The following PKLR variants were observed in gnomAD, a reference collection of about 807,000 sequenced individuals.
PKLR encodes pyruvate kinase PKLR.
A neutral mutation model predicts 53.6 loss-of-function variants in PKLR; 38 were observed. The observed-to-expected ratio is 0.71, with a 90% CI of 0.55 to 0.93. The LOEUF (loss-of-function observed/expected upper bound fraction) is 0.93, where lower values mean the gene tolerates loss of function less well. Ranked by LOEUF, PKLR falls within the 40% of genes least tolerant of loss-of-function variation. The pLI is 0.00. For missense variants in PKLR, 702 were observed against 787.3 expected (o/e 0.89, Z 1.30); for synonymous variants, 328 against 316.2 (o/e 1.04, Z -0.39).
intron 2 of PKLR, among the ~76,000 whole-genome samples, chr1:155,298,220 G>C (rs1336280119): frequency 6.6e-6 from 1 of 151,750 alleles, no homozygotes; most frequent in African/African-American, 2.4e-5. Flanking sequence ...ATTTTTATTA[G>C]AGACGGGGTT....
chr1:155,301,117 G>T, intron 1 of PKLR, 179 bp downstream of exon 1: 1 of 1,396,132 alleles, frequency 7.2e-7, no homozygotes, highest in Non-Finnish European at 9.8e-7. Flanking sequence ...ATAGGGCCTG[G>T]AAAAGACCCA....
intron 5 of PKLR, 103 bp from the exon 6 acceptor site, chr1:155,294,855 G>T: frequency 7.1e-7 from 1 of 1,401,562 alleles, no homozygotes; most frequent in Non-Finnish European, 1.0e-6. Flanking sequence ...CAGGAACCAT[G>T]TCCTCCTCAT....
upstream of PKLR, among the ~76,000 whole-genome samples, chr1:155,302,866 A>T (rs1355814773): frequency 6.6e-6 from 1 of 151,756 alleles, no homozygotes; most frequent in East Asian, 1.9e-4. Flanking sequence ...TATTAAAAAT[A>T]TTTTTTTCCT....
chr1:155,294,211 G>T, intron 7 of PKLR, 24 bp downstream of exon 7: 2 of 1,613,828 alleles, frequency 1.2e-6, no homozygotes, highest in Non-Finnish European at 1.7e-6. Flanking sequence ...ACAGAGTGCC[G>T]AACCTCAAGG....
Position 155,293,594 on chromosome 1 carries a change from G to A in PKLR, c.1117-4C>T. The A allele has an allele frequency of 6.2e-7, 1 of 1,614,082 alleles. No homozygotes were observed. The highest frequency in any genetic ancestry group is 8.5e-7 in the Non-Finnish European group (1 of 1,179,984). On this transcript the variant is annotated splice_polypyrimidine_tract_variant and splice_region_variant and intron_variant, in intron 7 of 10. Coordinates refer to ENST00000342741, the MANE Select transcript of PKLR (RefSeq NM_000298.6). The surrounding 1 kb of genome is among the most constrained non-coding windows in gnomAD (Gnocchi z 4.2). ...TGGTAATCATGCTCTCCAGCATCTGGGGGACAGCGTGGATGTCAAAGTTGT... is the reference window on the plus strand; with the variant it reads ...TGGTAATCATGCTCTCCAGCATCTGAGGGACAGCGTGGATGTCAAAGTTGT...
At position 155,295,294 on chromosome 1, in the gene PKLR, C is replaced by T. The variant is rs1413887543; in HGVS notation, c.516G>A (p.Glu172=). 2 of 1,613,906 alleles carry T rather than the reference C, an allele frequency of 1.2e-6. No individual in the cohort carries two copies. ...IRTGILQGGP[E]SEVELVKGSQ... Reference sequence around the variant, plus strand: ...AGCCCTTCACCAGCTCCACTTCCGACTCTGGACCCTAAGGAGGGAGCCAGA... The same window carrying T: ...AGCCCTTCACCAGCTCCACTTCCGATTCTGGACCCTAAGGAGGGAGCCAGA... The change falls in exon 5 of 11, where the codon GAG becomes GAA. Residue 172 remains glutamate (E), a synonymous_variant. Transcript: ENST00000342741. This position sits in a 1 kb window ranked among gnomAD's most constrained non-coding sequence, Gnocchi z 4.3.
Position 155,295,657 on chromosome 1 carries a change from TC to T in PKLR, c.375+7del. On this transcript the variant is annotated splice_region_variant and intron_variant, in intron 3 of 10. Coordinates refer to ENST00000342741, the MANE Select transcript of PKLR (RefSeq NM_000298.6). This position sits in a 1 kb window ranked among gnomAD's most constrained non-coding sequence, Gnocchi z 4.3. ...GCCCCACCCACTGCCCGGCGGCCCG[TC>T]CCGCACCTCGTGGGAGCCGTGGGAG... The T allele has an allele frequency of 6.2e-7, 1 of 1,614,044 alleles. No individual in the cohort carries two copies. Among genetic ancestry groups the T allele is most frequent in the Non-Finnish European group, 8.5e-7 (1 of 1,179,968 alleles).
Position 155,295,875 on chromosome 1 carries a change from AT to A in PKLR, c.284-120del, listed in dbSNP as rs1357619793. 7.0e-5 allele frequency: 57 copies of A among 814,698 alleles called. No individual in the cohort carries two copies. Among genetic ancestry groups the A allele is most frequent in the Non-Finnish European group, 3.8e-5 (18 of 479,254 alleles). The allele number at this position is 814,698 out of a possible 1,614,324, so 50.5% of individuals were successfully genotyped here. A position where few individuals can be genotyped will look rare whatever the true frequency, so the allele number is the denominator to read the frequency against. ...ACAGGCGTCCTGTTACCTGATCTTT[AT>A]TCCCTGATGCAACCCCTGCCCACAG... On this transcript the variant is annotated intron_variant, in intron 2 of 10. Transcript: ENST00000342741. The surrounding 1 kb of genome is among the most constrained non-coding windows in gnomAD (Gnocchi z 4.3).
At chr1:155,308,600 G>A in the PKLR span, 1 of 985,468 alleles carries the variant, frequency 1.0e-6, no homozygotes, top group African/African-American at 1.7e-5. Flanking sequence ...GAGTAAGACA[G>A]GCAGCCAAAG....
the PKLR span, chr1:155,308,584 A>G: frequency 6.1e-6 from 6 of 985,340 alleles, no homozygotes; most frequent in African/African-American, 1.0e-4. Context: ...AAGATAATGA[A>G]AACTTGAGTA....
rs543772817 is a variant in PKLR at position 155,294,127 on chromosome 1, C to T, written c.1116+108G>A. On this transcript the variant is annotated intron_variant, in intron 7 of 10. Coordinates refer to ENST00000342741, the MANE Select transcript of PKLR (RefSeq NM_000298.6). Reference sequence around the variant, plus strand: ...CAGCCTGGATGACAGAGTGAGACTCCGTCTCAAAAAACAAAACAAAACAAA... The same window carrying T: ...CAGCCTGGATGACAGAGTGAGACTCTGTCTCAAAAAACAAAACAAAACAAA... The T allele has an allele frequency of 2.7e-5, 34 of 1,257,332 alleles. No individual in the cohort carries two copies. In the East Asian group the frequency reaches 3.9e-4, roughly 15 times the overall value. 77.9% of individuals were successfully genotyped at this position (1,257,332 alleles called of 1,614,324 possible).
At position 155,294,263 on chromosome 1, in the gene PKLR, G is replaced by T. The variant is rs763466930; in HGVS notation, c.1088C>A (p.Ala363Glu). Residue 363 changes from alanine (A) to glutamate (E), a missense_variant, in exon 7 of 11, where the codon GCG (alanine) becomes GAG (glutamate). Ala to Glu is a moderately radical substitution (Grantham distance 107, BLOSUM62 -1). Coordinates refer to ENST00000342741, the MANE Select transcript of PKLR (RefSeq NM_000298.6). The stretch of plus-strand genomic sequence containing the variant: ...TGTGGCACAGACAACAGGCTTGCCC[G>T]CCAAGTTGCAGCGCCCAATCATCAT... ...QKMMIGRCNL[A>E]GKPVVCATQM... The T allele has an allele frequency of 2.7e-5, 44 of 1,614,058 alleles. No homozygotes were observed. The highest frequency in any genetic ancestry group is 3.6e-5 in the Non-Finnish European group (43 of 1,180,040).
chr1:155,304,510 G>A (rs1013828296), upstream of PKLR, among the ~76,000 whole-genome samples: 1 of 151,958 alleles, frequency 6.6e-6, no homozygotes, highest in African/African-American at 2.4e-5. Flanking sequence ...GAAGAATCTA[G>A]GTGGTAGGTG....
At chr1:155,308,388 C>T in the PKLR span, among the ~76,000 whole-genome samples, 10 of 152,102 alleles carry the variant, frequency 6.6e-5, no homozygotes, top group African/African-American at 2.4e-4. Flanking sequence ...TTTCTTAAGC[C>T]CTTAAAGCAC....
chr1:155,293,662 C>T lies in PKLR; in HGVS notation c.1117-72G>A. On this transcript the variant is annotated intron_variant, in intron 7 of 10. Coordinates refer to ENST00000342741, the MANE Select transcript of PKLR (RefSeq NM_000298.6). The surrounding 1 kb of genome is among the most constrained non-coding windows in gnomAD (Gnocchi z 4.2). ...TGGGGACCCTGCCCAAGCTACTTCTCTGACACCCACACTCTCAGAGTGTCC... is the reference window on the plus strand; with the variant it reads ...TGGGGACCCTGCCCAAGCTACTTCTTTGACACCCACACTCTCAGAGTGTCC... 6.7e-7 allele frequency: 1 copy of T among 1,485,282 alleles called. No homozygotes were observed. 92.0% of individuals were successfully genotyped at this position (1,485,282 alleles called of 1,614,324 possible).
intron 10 of PKLR, among the ~76,000 whole-genome samples, chr1:155,291,490 C>T (rs1674541520): frequency 6.6e-6 from 1 of 150,428 alleles, no homozygotes; most frequent in Non-Finnish European, 1.5e-5. Flanking sequence ...GCAAGACTCT[C>T]TCTCAAAAAA....
rs147659527 is a variant in PKLR, at chr1:155,294,633, G to C, written c.814C>G (p.Leu272Val). 420 of 1,614,206 alleles carry C rather than the reference G, an allele frequency of 2.6e-4. No homozygotes were observed. The African/African-American group carries it at 5.2e-3, about 20-fold the overall frequency. ...ACCCCATGCTCCACCCCGAAGCGCA[G>C]GTCTCGGACGTCCTGCTCGGACAGC... ...PGLSEQDVRDLRFGVEHGVDI... is the reference protein window; with the variant it reads ...PGLSEQDVRDVRFGVEHGVDI... The change falls in exon 6 of 11, where the codon CTG (leucine) becomes GTG (valine). Residue 272 changes from leucine to valine, a missense_variant. Physicochemically the swap from Leu to Val is conservative, Grantham distance 32 (BLOSUM62 1). Transcript: ENST00000342741.
chr1:155,300,931 C>T (rs1260846305), intron 1 of PKLR: 1 of 1,601,292 alleles, frequency 6.2e-7, no homozygotes, highest in Non-Finnish European at 8.5e-7. Flanking sequence ...TGGGTCTGCT[C>T]CACACTGTTG....
chr1:155,308,576 G>A, the PKLR span: 1 of 985,436 alleles, frequency 1.0e-6, no homozygotes, highest in Non-Finnish European at 1.2e-6. Context: ...TGCCCAGGAA[G>A]ATAATGAAAA....
Sources: allele counts gnomAD v4.1 joint callset (sites outside exome capture counted in the v4.1 genomes callset), GRCh38; gene constraint gnomAD v4.1.1; non-coding constraint Gnocchi (gnomAD v3.1); transcripts MANE v1.5; gene names NCBI Gene and HGNC (gene_info 2026-07-23, HGNC 2026-07-21).